CCSER1: variants seen among roughly 807,000 people sequenced by gnomAD.
CCSER1 encodes serine-rich coiled-coil domain-containing protein 1.
CCSER1 carries 41 observed loss-of-function variants against 82.0 expected under a neutral mutation model. That is an observed-to-expected ratio of 0.50 (90% confidence interval 0.39 to 0.65). The LOEUF (loss-of-function observed/expected upper bound fraction) is 0.65, where lower values mean the gene tolerates loss of function less well. Among genes scored for constraint, CCSER1 ranks in the 30% least tolerant of loss-of-function variants. The pLI is 0.00. For synonymous variants in CCSER1, 414 were observed against 383.9 expected (o/e 1.08, Z -0.92); for missense variants, 1,119 against 1,064.2 (o/e 1.05, Z -0.72).
At chr4:90,910,049 C>T (rs1394211039) in intron 8 of CCSER1, among the ~76,000 whole-genome samples, 1 of 152,148 alleles carries the variant, frequency 6.6e-6, no homozygotes, top group Non-Finnish European at 1.5e-5. Context: ...AACTTATGCT[C>T]ATGATGGAAG....
At chr4:90,138,219 T>C (rs1031214037) in intron 1 of CCSER1, among the ~76,000 whole-genome samples, 2 of 152,084 alleles carry the variant, frequency 1.3e-5, no homozygotes, top group African/African-American at 4.8e-5. Context: ...TGAGGCAAAG[T>C]CTTGCTCTGT....
chr4:90,163,735 T>C (rs1282194077), intron 1 of CCSER1, among the ~76,000 whole-genome samples: 1 of 152,034 alleles, frequency 6.6e-6, no homozygotes, highest in East Asian at 1.9e-4. Context: ...GAGGTGTAGA[T>C]TATTATAAAT....
chr4:90,615,361 G>A (rs1720994082), intron 5 of CCSER1, among the ~76,000 whole-genome samples: 1 of 152,140 alleles, frequency 6.6e-6, no homozygotes, highest in Non-Finnish European at 1.5e-5. Flanking sequence ...GCCAGAGAGA[G>A]TGGTTCTTCT....
At chr4:91,374,806 G>A (rs1750286419) in intron 10 of CCSER1, among the ~76,000 whole-genome samples, 1 of 152,166 alleles carries the variant, frequency 6.6e-6, no homozygotes. Flanking sequence ...GACCAGCCTG[G>A]CCAACATGGT....
rs542382883 is a variant in CCSER1, at chr4:91,535,346, A to G, written c.2218-63226A>G. ...TTCAGTAATATTTTGAGAGTTTCCTACCAAGTTATTTGTACTGGGAAGCAG... is the reference window on the plus strand; with the variant it reads ...TTCAGTAATATTTTGAGAGTTTCCTGCCAAGTTATTTGTACTGGGAAGCAG... On this transcript the variant is annotated intron_variant, in intron 10 of 10. Coordinates refer to ENST00000509176, the MANE Select transcript of CCSER1 (RefSeq NM_001145065.2). 2.0e-5 allele frequency among the ~76,000 whole-genome samples: 3 copies of G among 152,160 alleles called. No individual in the cohort carries two copies. The South Asian group carries it at 6.2e-4, about 32-fold the overall frequency.
At chr4:90,738,555 A>G (rs1746030010) in intron 7 of CCSER1, among the ~76,000 whole-genome samples, 1 of 152,130 alleles carries the variant, frequency 6.6e-6, no homozygotes. Context: ...ACCAAGTTGC[A>G]TTCAACCCAA....
intron 10 of CCSER1, among the ~76,000 whole-genome samples, chr4:91,108,413 T>C (rs1250173619): frequency 6.6e-6 from 1 of 152,198 alleles, no homozygotes; most frequent in Non-Finnish European, 1.5e-5. Context: ...CGAATTTGTA[T>C]TTTTATTTGT....
At chr4:90,879,537 GAAGAAAGAAGAA>G (rs1561294743) in intron 8 of CCSER1, among the ~76,000 whole-genome samples, 2 of 138,496 alleles carry the variant, frequency 1.4e-5, no homozygotes, top group African/African-American at 5.6e-5. Flanking sequence ...AGAGGAAGAA[GAAGAAAGAAGAA>G]GAAGAGGAAG....
intron 5 of CCSER1, among the ~76,000 whole-genome samples, chr4:90,530,199 G>T (rs1173368300): frequency 2.0e-5 from 3 of 152,100 alleles, no homozygotes; most frequent in Non-Finnish European, 2.9e-5. Context: ...GAAGCTGAAG[G>T]TACAGTGGAG....
chr4:91,543,278 A>G (rs1560750955), intron 10 of CCSER1, among the ~76,000 whole-genome samples: 1 of 152,142 alleles, frequency 6.6e-6, no homozygotes, highest in Admixed American at 6.5e-5. Flanking sequence ...GTGTCTTTTA[A>G]TTGGAGCATT....
chr4:90,655,079 T>C (rs1729467321), intron 6 of CCSER1, among the ~76,000 whole-genome samples: 1 of 152,078 alleles, frequency 6.6e-6, no homozygotes, highest in Non-Finnish European at 1.5e-5. Context: ...TAGATGGCAT[T>C]AATATCACTA....
intron 10 of CCSER1, among the ~76,000 whole-genome samples, chr4:91,137,778 T>G (rs545145594): frequency 6.6e-6 from 1 of 152,018 alleles, no homozygotes; most frequent in South Asian, 2.1e-4. Flanking sequence ...ACAAGCATTC[T>G]TATACACCAA....
chr4:91,472,826 A>G (rs1357060832), intron 10 of CCSER1, among the ~76,000 whole-genome samples: 1 of 152,168 alleles, frequency 6.6e-6, no homozygotes, highest in African/African-American at 2.4e-5. Flanking sequence ...CATTAGATGG[A>G]TACTTTAGCT....
rs17016560 is a variant in CCSER1 at position 90,144,974 on chromosome 4, C to A, written c.-42+17143C>A. Among the ~76,000 whole-genome samples, 3 of 151,800 alleles carry A rather than the reference C, an allele frequency of 2.0e-5. No individual in the cohort carries two copies. The East Asian group carries it at 5.8e-4, about 29-fold the overall frequency. On this transcript the variant is annotated intron_variant, in intron 1 of 10. Transcript: ENST00000509176. ...TGAGTATTATTTCTACAAAATTTTACGACCATTATTTTCGTTTCAATAAGC... is the reference window on the plus strand; with the variant it reads ...TGAGTATTATTTCTACAAAATTTTAAGACCATTATTTTCGTTTCAATAAGC...
At chr4:90,205,431 C>T (rs1738615398) in intron 1 of CCSER1, among the ~76,000 whole-genome samples, 1 of 151,876 alleles carries the variant, frequency 6.6e-6, no homozygotes, top group Admixed American at 6.6e-5. Flanking sequence ...GGTATGAAGG[C>T]CTTTTCTGCA....
At chr4:90,245,132 A>T (rs2153436892) in intron 1 of CCSER1, among the ~76,000 whole-genome samples, 1 of 152,298 alleles carries the variant, frequency 6.6e-6, no homozygotes, top group Admixed American at 6.5e-5. Flanking sequence ...TATTAAAGTG[A>T]TATATTTGAT....
At chr4:90,253,587 A>C (rs918928304) in intron 1 of CCSER1, among the ~76,000 whole-genome samples, 3 of 152,154 alleles carry the variant, frequency 2.0e-5, no homozygotes, top group South Asian at 4.1e-4. Flanking sequence ...TATGTGACAA[A>C]CCATTTTTCT....
At position 90,692,033 on chromosome 4, in the gene CCSER1, GTGTA is replaced by G. The variant is rs1363970996; in HGVS notation, c.1933-31879_1933-31876del. Among the ~76,000 whole-genome samples, 393 of 112,226 alleles carry G rather than the reference GTGTA, an allele frequency of 3.5e-3. 2 individuals carry two copies. Among genetic ancestry groups the G allele is most frequent in the African/African-American group, 0.013 (377 of 30,012 alleles). The allele number at this position is 112,226 out of a possible 152,430, so 73.6% of individuals were successfully genotyped here. On this transcript the variant is annotated intron_variant, in intron 6 of 10. Coordinates refer to ENST00000509176, the MANE Select transcript of CCSER1 (RefSeq NM_001145065.2). ...TAAATATTCTTTTACAATTCAATGT[GTGTA>G]TATATATATATATATATATATATAT...
chr4:90,620,603 A>G (rs1485796974), intron 5 of CCSER1, among the ~76,000 whole-genome samples: 1 of 152,172 alleles, frequency 6.6e-6, no homozygotes, highest in African/African-American at 2.4e-5. Flanking sequence ...CCTTACTTCT[A>G]GATTTAATGT....
Sources: gnomAD v4.1 joint callset for allele counts (sites outside exome capture counted in the v4.1 genomes callset) on GRCh38, gnomAD v4.1.1 for gene constraint, MANE v1.5 for transcripts, NCBI Gene and HGNC (gene_info 2026-07-23, HGNC 2026-07-21) for gene names.